The following COL15A1 variants were observed in gnomAD, a reference collection of about 807,000 sequenced individuals.
COL15A1 encodes collagen type XV alpha 1 chain.
A neutral mutation model predicts 165.9 loss-of-function variants in COL15A1; 111 were observed. The observed-to-expected ratio is 0.67, with a 90% CI of 0.57 to 0.78. COL15A1 has a LOEUF of 0.78. Ranked by LOEUF, COL15A1 falls within the 30% of genes least tolerant of loss-of-function variation. COL15A1 has a pLI of 0.00. For synonymous variants in COL15A1, 659 were observed against 674.8 expected (o/e 0.98, Z 0.36); for missense variants, 1,745 against 1,789.7 (o/e 0.98, Z 0.45).
chr9:98,998,410 C>T (rs1436617673), intron 6 of COL15A1, among the ~76,000 whole-genome samples: 4 of 152,166 alleles, frequency 2.6e-5, no homozygotes, highest in South Asian at 2.1e-4. Flanking sequence ...AATTTAATAA[C>T]GTCATGACAG....
At position 99,009,071 on chromosome 9, in the gene COL15A1, A is replaced by G. The variant is rs560536457; in HGVS notation, c.1353+4021A>G. The stretch of plus-strand genomic sequence containing the variant: ...CTCCTGTTCTGCATGTTATTCATGA[A>G]CATTTCAGCTCTTCATGGGAGCCTT... On this transcript the variant is annotated intron_variant, in intron 9 of 41. Transcript: ENST00000375001. Among the ~76,000 whole-genome samples, 26 of 152,370 alleles carry G rather than the reference A, an allele frequency of 1.7e-4. No individual in the cohort carries two copies. In the East Asian group the frequency reaches 5.0e-3, roughly 29 times the overall value.
chr9:98,989,776 TCA>T (rs750807893), intron 5 of COL15A1, among the ~76,000 whole-genome samples: 1 of 152,094 alleles, frequency 6.6e-6, no homozygotes, highest in Non-Finnish European at 1.5e-5. Flanking sequence ...GTCTTGTGAG[TCA>T]CAGAGTCCTC....
At chr9:99,033,316 A>G (rs913034243) in intron 16 of COL15A1, among the ~76,000 whole-genome samples, 8 of 142,822 alleles carry the variant, frequency 5.6e-5, no homozygotes, top group Admixed American at 1.4e-4. Flanking sequence ...GCTCTGCCCT[A>G]TGTCTTTAGC....
In COL15A1 at chr9:99,049,652, A is replaced by G. The variant is rs752115321; in HGVS notation, c.2794-38A>G. ...TGTGGCTGCCCCTGCATTCACAACAACCTGAACTAATGGAATGGCCTTTTT... is the reference window on the plus strand; with the variant it reads ...TGTGGCTGCCCCTGCATTCACAACAGCCTGAACTAATGGAATGGCCTTTTT... On this transcript the variant is annotated intron_variant, in intron 28 of 41. Transcript: ENST00000375001. 7 of 1,611,388 alleles carry G rather than the reference A, an allele frequency of 4.3e-6. No homozygotes were observed. The South Asian group carries it at 7.7e-5, about 18-fold the overall frequency.
At chr9:99,007,779 G>A (rs1036827511) in intron 9 of COL15A1, among the ~76,000 whole-genome samples, 1 of 152,114 alleles carries the variant, frequency 6.6e-6, no homozygotes, top group Non-Finnish European at 1.5e-5. Context: ...AGAAAGCATG[G>A]CTTAATTTTA....
chr9:98,989,572 A>G (rs1041453346), intron 5 of COL15A1, among the ~76,000 whole-genome samples: 5 of 152,212 alleles, frequency 3.3e-5, no homozygotes, highest in Non-Finnish European at 7.3e-5. Flanking sequence ...TTACTCAACC[A>G]TTCTGAACCT....
chr9:99,035,731 C>T (rs1391857197), intron 19 of COL15A1, among the ~76,000 whole-genome samples: 4 of 152,282 alleles, frequency 2.6e-5, no homozygotes, highest in Admixed American at 6.5e-5. Flanking sequence ...TATTTCCTCC[C>T]TCCAGTTGCC....
chr9:99,012,477 G>A (rs1253667177), intron 9 of COL15A1, among the ~76,000 whole-genome samples: 2 of 152,162 alleles, frequency 1.3e-5, no homozygotes, highest in Admixed American at 6.5e-5. Flanking sequence ...ACTTAAAGCA[G>A]GCAGAGGCAG....
At chr9:98,984,444 T>A (rs1838277569) in intron 2 of COL15A1, among the ~76,000 whole-genome samples, 1 of 152,378 alleles carries the variant, frequency 6.6e-6, no homozygotes, top group South Asian at 2.1e-4. Flanking sequence ...TGGGGTCAGA[T>A]GCTCTGGGTT....
Position 99,034,576 on chromosome 9 carries a change from G to T in COL15A1, c.2071G>T (p.Gly691Cys). The change falls in exon 17 of 42, where the codon GGT (glycine) becomes TGT (cysteine). Residue 691 changes from glycine to cysteine, a missense_variant. Physicochemically the swap from Gly to Cys is radical, Grantham distance 159. Coordinates refer to ENST00000375001, the MANE Select transcript of COL15A1 (RefSeq NM_001855.5). ...AGCAAGAGGGCCTAATGGCTCAGTT[G>T]GTGAAAAGGTAAAAAAAAAAAAAAA... ...KGARGPNGSVGEKGDPGNRGL... is the reference protein window; with the variant it reads ...KGARGPNGSVCEKGDPGNRGL... 2 of 1,046,436 alleles carry T rather than the reference G, an allele frequency of 1.9e-6. No homozygotes were observed. The highest frequency in any genetic ancestry group is 2.6e-6 in the Non-Finnish European group (2 of 756,590). The allele number at this position is 1,046,436 out of a possible 1,614,324, so 64.8% of individuals were successfully genotyped here.
intron 9 of COL15A1, among the ~76,000 whole-genome samples, chr9:99,008,120 C>T (rs986988737): frequency 8.6e-5 from 13 of 151,338 alleles, no homozygotes; most frequent in African/African-American, 3.2e-4. Flanking sequence ...ATAGGCTCCT[C>T]TTTTTTTTTA....
chr9:99,023,749 G>A (rs1839066715), intron 14 of COL15A1, among the ~76,000 whole-genome samples: 1 of 152,130 alleles, frequency 6.6e-6, no homozygotes, highest in Non-Finnish European at 1.5e-5. Flanking sequence ...CAGCAGGTGT[G>A]CCCAGTGCCC....
intron 36 of COL15A1, 35 bp downstream of exon 36, chr9:99,059,988 A>T: frequency 3.7e-6 from 6 of 1,606,976 alleles, no homozygotes; most frequent in Non-Finnish European, 8.5e-7. Context: ...TCATCATTCC[A>T]TTTGGGATAG....
chr9:99,020,522 C>G, intron 12 of COL15A1, 80 bp downstream of exon 12: 1 of 999,566 alleles, frequency 1.0e-6, no homozygotes, highest in Non-Finnish European at 1.6e-6. Flanking sequence ...TTGATTTAGC[C>G]CACTCTGATC....
intron 11 of COL15A1, among the ~76,000 whole-genome samples, chr9:99,017,128 G>A (rs938163562): frequency 2.0e-5 from 3 of 152,180 alleles, no homozygotes; most frequent in Non-Finnish European, 2.9e-5. Flanking sequence ...ACTCCTGTCC[G>A]CAACAAATTC....
intron 34 of COL15A1, among the ~76,000 whole-genome samples, chr9:99,055,823 G>A (rs544304601): frequency 3.9e-4 from 60 of 152,216 alleles, no homozygotes; most frequent in Non-Finnish European, 7.3e-4. Flanking sequence ...AAGTCAAGCT[G>A]TGCCCCCAAC....
chr9:99,008,962 G>A (rs75743382), intron 9 of COL15A1, among the ~76,000 whole-genome samples: 2,495 of 152,244 alleles, frequency 0.016, 161 homozygotes, highest in South Asian at 0.11. Context: ...TCTTGGCTCC[G>A]ATAAACAAAC....
At chr9:99,065,179 C>T (rs909679869) in intron 39 of COL15A1, among the ~76,000 whole-genome samples, 3 of 152,230 alleles carry the variant, frequency 2.0e-5, no homozygotes, top group Non-Finnish European at 4.4e-5. Context: ...AGACATTTCT[C>T]TGTGTCTCTC....
chr9:98,983,678 C>T (rs1461263800), intron 2 of COL15A1, among the ~76,000 whole-genome samples: 1 of 152,172 alleles, frequency 6.6e-6, no homozygotes, highest in Non-Finnish European at 1.5e-5. Context: ...GCGCATTGAC[C>T]TCTTGAGATT....
Sources: gnomAD v4.1 joint callset for allele counts (sites outside exome capture counted in the v4.1 genomes callset) on GRCh38, gnomAD v4.1.1 for gene constraint, MANE v1.5 for transcripts, NCBI Gene and HGNC (gene_info 2026-07-23, HGNC 2026-07-21) for gene names.